KDM6A: variants seen among roughly 807,000 people sequenced by gnomAD.
KDM6A encodes the protein lysine-specific demethylase 6A.
Under a neutral mutation model 117.6 loss-of-function variants are expected in KDM6A, and 11 were observed. That is an observed-to-expected ratio of 0.09 (90% confidence interval 0.06 to 0.15). The LOEUF is 0.15. KDM6A is among the 10% of genes least tolerant of loss of function. The pLI is 1.00. For missense variants in KDM6A, 799 were observed against 1,077.3 expected, an observed-to-expected ratio of 0.74 and a Z score of 3.62; for synonymous variants, 384 against 396.1, an observed-to-expected ratio of 0.97 and a Z score of 0.36.
At chrX:45,074,431 A>G (rs1045110892) in intron 18 of KDM6A, among the ~76,000 whole-genome samples, 2 of 112,145 alleles carry the variant, frequency 1.8e-5, no homozygotes, top group Admixed American at 1.9e-4. Flanking sequence ...GGATTGGTCA[A>G]TATATTTTAA....
At chrX:44,972,882 A>G (rs907011530) in intron 3 of KDM6A, among the ~76,000 whole-genome samples, 5 of 110,301 alleles carry the variant, frequency 4.5e-5, no homozygotes, top group Non-Finnish European at 9.5e-5. Context: ...TAAAAATACA[A>G]AAATTAGCTG....
intron 8 of KDM6A, among the ~76,000 whole-genome samples, chrX:45,041,958 C>T (rs1160027211): frequency 4.5e-5 from 5 of 110,012 alleles, no homozygotes; most frequent in Non-Finnish European, 7.7e-5. Flanking sequence ...CCAGCCTGGG[C>T]ACCATTGAGC....
At chrX:44,997,717 G>C (rs1168579937) in intron 4 of KDM6A, among the ~76,000 whole-genome samples, 1 of 111,707 alleles carries the variant, frequency 9.0e-6, no homozygotes, top group East Asian at 2.8e-4. Flanking sequence ...CGTATCAGAA[G>C]CATGTATTAG....
At chrX:44,962,549 TA>T (rs983702728) in intron 3 of KDM6A, among the ~76,000 whole-genome samples, 3 of 111,849 alleles carry the variant, frequency 2.7e-5, no homozygotes, top group African/African-American at 9.8e-5. Context: ...TATTTTTAAT[TA>T]AAACTGGAAA....
chrX:45,034,280 A>G (rs897921993), intron 6 of KDM6A, among the ~76,000 whole-genome samples: 3 of 111,972 alleles, frequency 2.7e-5, no homozygotes, highest in African/African-American at 9.7e-5. Context: ...ACGTGCTTAT[A>G]TGATATTATT....
At chrX:44,882,361 T>G (rs1323260980) in intron 2 of KDM6A, among the ~76,000 whole-genome samples, 1 of 112,136 alleles carries the variant, frequency 8.9e-6, no homozygotes, top group African/African-American at 3.2e-5. Flanking sequence ...GTCACAGCAT[T>G]TAATCCATAG....
intron 3 of KDM6A, among the ~76,000 whole-genome samples, chrX:44,969,041 C>G (rs1236618359): frequency 9.2e-6 from 1 of 109,125 alleles, no homozygotes; most frequent in African/African-American, 3.3e-5. Flanking sequence ...ACAGAAATTA[C>G]GAGGCAGGAG....
At chrX:44,902,050 T>C (rs891181444) in intron 2 of KDM6A, among the ~76,000 whole-genome samples, 2 of 111,528 alleles carry the variant, frequency 1.8e-5, no homozygotes, top group Non-Finnish European at 3.8e-5. Context: ...AACATGGCAA[T>C]ACCCCTTCTC....
intron 2 of KDM6A, 56 bp downstream of exon 2, chrX:44,874,043 C>A: frequency 9.2e-7 from 1 of 1,091,266 alleles, no homozygotes; most frequent in Non-Finnish European, 1.3e-6. Context: ...GCGCCGCGCT[C>A]GCCCCGGGCC....
At position 45,014,286 on chromosome X, in the gene KDM6A, A is replaced by G. The variant is rs745969430; in HGVS notation, c.443+3267A>G. Among the ~76,000 whole-genome samples the G allele has an allele frequency of 5.4e-5, 6 of 111,375 alleles. No individual in the cohort carries two copies. In the East Asian group the frequency reaches 1.4e-3, roughly 26 times the overall value. ...TTATGCTACCTATTTTTTATTTCAG[A>G]GTTGATTTTATTGGTCAGCCTCTAG... On this transcript the variant is annotated intron_variant, in intron 5 of 29. Coordinates refer to ENST00000611820, the MANE Select transcript of KDM6A (RefSeq NM_001291415.2).
chrX:44,997,045 C>T (rs2040894899), intron 4 of KDM6A, among the ~76,000 whole-genome samples: 1 of 111,470 alleles, frequency 9.0e-6, no homozygotes, highest in Non-Finnish European at 1.9e-5. Context: ...GCTCCCACCC[C>T]ACGGCAATGT....
At chrX:44,880,331 A>G (rs1377321145) in intron 2 of KDM6A, among the ~76,000 whole-genome samples, 1 of 110,620 alleles carries the variant, frequency 9.0e-6, no homozygotes, top group Non-Finnish European at 1.9e-5. Context: ...GGGTCAATTT[A>G]AATTCTCTGA....
chrX:44,917,896 G>A (rs770713141), intron 2 of KDM6A, among the ~76,000 whole-genome samples: 11 of 111,677 alleles, frequency 9.8e-5, no homozygotes, highest in Non-Finnish European at 1.1e-4. Context: ...CAAAAGTATC[G>A]CATTCTTGCA....
intron 2 of KDM6A, among the ~76,000 whole-genome samples, chrX:44,908,577 A>C (rs1255038995): frequency 1.8e-5 from 2 of 111,340 alleles, no homozygotes; most frequent in Non-Finnish European, 3.8e-5. Flanking sequence ...TCAGGGATCC[A>C]AGAGTGAGTG....
chrX:45,090,162 A>G (rs190994354), intron 26 of KDM6A, among the ~76,000 whole-genome samples: 1 of 111,174 alleles, frequency 9.0e-6, no homozygotes, highest in East Asian at 3.0e-4. Flanking sequence ...GAAGGTTATA[A>G]TAATAAATTT....
chrX:44,893,983 C>A, intron 2 of KDM6A, among the ~76,000 whole-genome samples: 1 of 111,573 alleles, frequency 9.0e-6, no homozygotes. Flanking sequence ...TAGAGTAAAA[C>A]CCAATTGGTC....
intron 28 of KDM6A, 91 bp downstream of exon 28, chrX:45,107,627 C>T (rs2046579453): frequency 1.1e-6 from 1 of 916,216 alleles, no homozygotes; most frequent in Non-Finnish European, 1.5e-6. Flanking sequence ...CTTTTTTATA[C>T]TTTTATGTAA....
intron 6 of KDM6A, among the ~76,000 whole-genome samples, chrX:45,027,436 C>T (rs980143676): frequency 1.8e-5 from 2 of 111,326 alleles, no homozygotes; most frequent in African/African-American, 6.6e-5. Flanking sequence ...CTTTATGATG[C>T]TCAATAGCTC....
chrX:45,040,896 C>A (rs1255699315), intron 8 of KDM6A, among the ~76,000 whole-genome samples: 1 of 75,148 alleles, frequency 1.3e-5, no homozygotes, highest in African/African-American at 5.3e-5. Flanking sequence ...CCCTCCCGGA[C>A]GGGGCGGCTG....
Sources: allele counts gnomAD v4.1 joint callset (sites outside exome capture counted in the v4.1 genomes callset), GRCh38; gene constraint gnomAD v4.1.1; transcripts MANE v1.5; gene names NCBI Gene and HGNC (gene_info 2026-07-23, HGNC 2026-07-21).